The following CSPP1 variants were observed in gnomAD, a reference collection of about 807,000 sequenced individuals.
The protein encoded by CSPP1 is centrosome and spindle pole associated protein 1.
A neutral mutation model predicts 164.4 loss-of-function variants in CSPP1; 126 were observed. The observed-to-expected ratio is 0.77, with a 90% CI of 0.66 to 0.89. The LOEUF (loss-of-function observed/expected upper bound fraction) is 0.89, where lower values mean the gene tolerates loss of function less well. Ranked by LOEUF, CSPP1 falls within the 40% of genes least tolerant of loss-of-function variation. The pLI is 0.00. For synonymous variants in CSPP1, 472 were observed against 476.7 expected (o/e 0.99, Z 0.13); for missense variants, 1,395 against 1,449.8 (o/e 0.96, Z 0.61).
chr8:67,145,932 T>C (rs976017301), intron 17 of CSPP1, among the ~76,000 whole-genome samples: 1 of 152,168 alleles, frequency 6.6e-6, no homozygotes, highest in African/African-American at 2.4e-5. Context: ...GTTTTAGCTG[T>C]ACATCACAAA....
intron 3 of CSPP1, among the ~76,000 whole-genome samples, chr8:67,078,821 A>C (rs962485225): frequency 1.3e-5 from 2 of 152,080 alleles, no homozygotes; most frequent in African/African-American, 2.4e-5. Flanking sequence ...AAATACAAAA[A>C]AATTAGCCCA....
At chr8:67,126,942 C>T (rs1035353886) in intron 15 of CSPP1, among the ~76,000 whole-genome samples, 2 of 151,980 alleles carry the variant, frequency 1.3e-5, no homozygotes, top group African/African-American at 4.8e-5. Context: ...AGCTGCCAGA[C>T]AGGTCAAAAG....
chr8:67,159,015 A>G lies in CSPP1; in HGVS notation c.2416A>G (p.Ile806Val). The G allele has an allele frequency of 1.2e-6, 2 of 1,608,576 alleles. No homozygotes were observed. Among genetic ancestry groups the G allele is most frequent in the Non-Finnish European group, 1.7e-6 (2 of 1,177,728 alleles). ...GCAAAGGCTAAAAAATGAAGAGCATATTCGGTTAGCTGAAGAAAGACAAAA... is the reference window on the plus strand; with the variant it reads ...GCAAAGGCTAAAAAATGAAGAGCATGTTCGGTTAGCTGAAGAAAGACAAAA... ...EEQRLKNEEHIRLAEERQKEA... is the reference protein window; with the variant it reads ...EEQRLKNEEHVRLAEERQKEA... The change falls in exon 21 of 31, where the codon ATT becomes GTT. Residue 806 changes from isoleucine to valine, a missense_variant. By Grantham distance (29) the Ile-to-Val change is conservative. Coordinates refer to ENST00000678616, the MANE Select transcript of CSPP1 (RefSeq NM_001382391.1).
rs768356971 is a variant in CSPP1 at position 67,064,400 on chromosome 8, T to C, written c.-149T>C. The C allele has an allele frequency of 2.5e-6, 4 of 1,613,288 alleles. No individual in the cohort carries two copies. The highest frequency in any genetic ancestry group is 3.4e-6 in the Non-Finnish European group (4 of 1,179,780). On this transcript the variant is annotated 5_prime_UTR_variant, in exon 1 of 31. The change abolishes an upstream ATG in the 5' untranslated region. Transcript: ENST00000678616. ...GGAGCCCCGGCCCGGAGGTCTGTCATGCTGTTCCCGCTCCAGGTGGCCGCT... is the reference window on the plus strand; with the variant it reads ...GGAGCCCCGGCCCGGAGGTCTGTCACGCTGTTCCCGCTCCAGGTGGCCGCT...
Position 67,093,643 on chromosome 8 carries a change from T to A in CSPP1, c.483+2T>A, listed in dbSNP as rs1161610345. The A allele has an allele frequency of 6.3e-7, 1 of 1,577,182 alleles. No individual in the cohort carries two copies. The highest frequency in any genetic ancestry group is 8.7e-7 in the Non-Finnish European group (1 of 1,149,402). Reference sequence around the variant, plus strand: ...AGGCAGGTGGAAAAGAGTACTGAGGTAGGTTTTGCTTTTGAATTAAATCTG... The same window carrying A: ...AGGCAGGTGGAAAAGAGTACTGAGGAAGGTTTTGCTTTTGAATTAAATCTG... On this transcript the variant is annotated splice_donor_variant, in intron 6 of 30. Coordinates refer to ENST00000678616, the MANE Select transcript of CSPP1 (RefSeq NM_001382391.1). LOFTEE classifies it high-confidence loss of function.
At chr8:67,140,899 T>TTTTGCCTTCATTCCA (rs2129555934) in intron 17 of CSPP1, among the ~76,000 whole-genome samples, 1 of 152,306 alleles carries the variant, frequency 6.6e-6, no homozygotes, top group African/African-American at 2.4e-5. Context: ...GGAAGATCAT[T>TTTTGCCTTCATTCCA]TTTGCCTTCA....
At chr8:67,105,676 G>A (rs948616743) in intron 8 of CSPP1, among the ~76,000 whole-genome samples, 5 of 152,134 alleles carry the variant, frequency 3.3e-5, no homozygotes, top group Admixed American at 1.3e-4. Context: ...GAGCCACCAT[G>A]CCTGGCCAAA....
At chr8:67,158,112 C>A (rs1008025729) in intron 19 of CSPP1, among the ~76,000 whole-genome samples, 63 of 152,190 alleles carry the variant, frequency 4.1e-4, no homozygotes, top group African/African-American at 1.5e-3. Context: ...TATAGGAGGA[C>A]TTTTATGTTC....
chr8:67,148,740 A>G (rs1243695591), intron 17 of CSPP1, among the ~76,000 whole-genome samples: 4 of 152,138 alleles, frequency 2.6e-5, no homozygotes, highest in African/African-American at 9.7e-5. Context: ...ATACTGTTGC[A>G]GTTTTTTGGT....
chr8:67,145,912 T>C (rs1310710032), intron 17 of CSPP1, among the ~76,000 whole-genome samples: 1 of 152,186 alleles, frequency 6.6e-6, no homozygotes, highest in African/African-American at 2.4e-5. Context: ...CACATTTCCC[T>C]CTGAGTACTG....
rs558788838 is a variant in CSPP1 at position 67,095,605 on chromosome 8, G to A, written c.796G>A (p.Asp266Asn). 22 of 1,613,996 alleles carry A rather than the reference G, an allele frequency of 1.4e-5. No individual in the cohort carries two copies. The South Asian group carries it at 2.1e-4, about 15-fold the overall frequency. The change falls in exon 7 of 31, where the codon GAT (aspartate) becomes AAT (asparagine). Residue 266 changes from aspartate (D) to asparagine (N), a missense_variant. Transcript: ENST00000678616. The part of the protein sequence containing the change: ...PDRRFHRFNE[D>N]RVFDRRYHRP... Reference sequence around the variant, plus strand: ...TAGAAGATTTCACAGATTTAATGAGGATCGTGTTTTTGATAGACGGTATCA... The same window carrying A: ...TAGAAGATTTCACAGATTTAATGAGAATCGTGTTTTTGATAGACGGTATCA...
At chr8:67,080,676 A>G (rs1161577921) in intron 3 of CSPP1, among the ~76,000 whole-genome samples, 1 of 152,258 alleles carries the variant, frequency 6.6e-6, no homozygotes, top group Non-Finnish European at 1.5e-5. Flanking sequence ...ATTCATAAGA[A>G]TGACTCACAG....
chr8:67,174,132 C>T (rs1563753329), intron 25 of CSPP1: 2 of 151,984 alleles, frequency 1.3e-5, no homozygotes, highest in African/African-American at 4.8e-5. Context: ...CTGTTCATTT[C>T]CCTGTGTTAC....
chr8:67,109,978 G>A (rs923457575), intron 9 of CSPP1, among the ~76,000 whole-genome samples: 1 of 151,870 alleles, frequency 6.6e-6, no homozygotes, highest in African/African-American at 2.4e-5. Context: ...AGCAGAAATC[G>A]GCTTGTCTTG....
intron 21 of CSPP1, among the ~76,000 whole-genome samples, chr8:67,159,578 A>C (rs1280358263): frequency 1.6e-5 from 2 of 122,994 alleles, no homozygotes; most frequent in African/African-American, 3.2e-5. Context: ...TCTGGAGTGC[A>C]GTGGCACAAT....
At chr8:67,166,905 G>A (rs1198567961) in intron 24 of CSPP1, among the ~76,000 whole-genome samples, 1 of 152,086 alleles carries the variant, frequency 6.6e-6, no homozygotes, top group African/African-American at 2.4e-5. Flanking sequence ...GGGTACTTGA[G>A]ATTAGGGAGT....
At chr8:67,163,658 C>A in intron 22 of CSPP1, 74 bp from the exon 23 acceptor site, 3 of 1,114,468 alleles carry the variant, frequency 2.7e-6, no homozygotes, top group South Asian at 1.4e-5. Context: ...ATAAATACTT[C>A]AAAAAATTAC....
chr8:67,180,750 C>T (rs1041001704), intron 28 of CSPP1, among the ~76,000 whole-genome samples: 4 of 151,788 alleles, frequency 2.6e-5, no homozygotes, highest in African/African-American at 7.3e-5. Flanking sequence ...TACCTGTGTA[C>T]CTTAATTATT....
In CSPP1 at chr8:67,074,308, A is replaced by T. The variant is rs1355235844; in HGVS notation, c.56A>T (p.Asp19Val). ...GAGCAAAAAGCCAGATTGGCCGAAGACAAAGCAGAGTTGGAAAGTGATCCA... is the reference window on the plus strand; with the variant it reads ...GAGCAAAAAGCCAGATTGGCCGAAGTCAAAGCAGAGTTGGAAAGTGATCCA... ...IEEQKARLAE[D>V]KAELESDPPY... Residue 19 changes from aspartate to valine, a missense_variant, in exon 2 of 31, where the codon GAC becomes GTC. By Grantham distance (152) the Asp-to-Val change is radical (BLOSUM62 -3). Transcript: ENST00000678616. The T allele has an allele frequency of 2.5e-6, 4 of 1,611,624 alleles. No homozygotes were observed. The highest frequency in any genetic ancestry group is 3.4e-6 in the Non-Finnish European group (4 of 1,178,832).
Sources: allele counts gnomAD v4.1 joint callset (sites outside exome capture counted in the v4.1 genomes callset), GRCh38; gene constraint gnomAD v4.1.1; transcripts MANE v1.5; gene names NCBI Gene and HGNC (gene_info 2026-07-23, HGNC 2026-07-21).